DAB2IP: variants seen among roughly 807,000 people sequenced by gnomAD.
The protein encoded by DAB2IP is disabled homolog 2-interacting protein.
DAB2IP carries 28 observed loss-of-function variants against 107.2 expected under a neutral mutation model. The observed-to-expected ratio is 0.26, with a 90% CI of 0.19 to 0.36. The LOEUF (loss-of-function observed/expected upper bound fraction) is 0.36, where lower values mean the gene tolerates loss of function less well. Among genes scored for constraint, DAB2IP ranks in the 10% least tolerant of loss-of-function variants. The probability of loss-of-function intolerance (pLI) is 1.00; values close to 1 mark genes in which losing one functional copy is unlikely to be tolerated. For synonymous variants in DAB2IP, 755 were observed against 706.4 expected (o/e 1.07, Z -1.09); for missense variants, 1,400 against 1,644.7 (o/e 0.85, Z 2.57).
At chr9:121,578,843 C>T (rs1372886098) in intron 1 of DAB2IP, among the ~76,000 whole-genome samples, 3 of 142,270 alleles carry the variant, frequency 2.1e-5, no homozygotes, top group African/African-American at 8.0e-5. Context: ...CAGGTTCAAG[C>T]TATTCTCCTG....
intron 3 of DAB2IP, among the ~76,000 whole-genome samples, chr9:121,741,863 ATAT>A (rs1164274464): frequency 6.6e-6 from 1 of 151,028 alleles, no homozygotes; most frequent in Non-Finnish European, 1.5e-5. Flanking sequence ...GAGGTAAATA[ATAT>A]TATGTCCATT....
In DAB2IP at chr9:121,763,998, C is replaced by G. The variant is rs1174901979; in HGVS notation, c.1460+119C>G. 5.0e-6 allele frequency: 7 copies of G among 1,388,622 alleles called. No homozygotes were observed. In the Admixed American group the frequency reaches 1.5e-4, roughly 29 times the overall value. The allele number at this position is 1,388,622 out of a possible 1,614,324, so 86.0% of individuals were successfully genotyped here. A position where few individuals can be genotyped will look rare whatever the true frequency, so the allele number is the denominator to read the frequency against. On this transcript the variant is annotated intron_variant, in intron 8 of 15. Coordinates refer to ENST00000408936, the Ensembl canonical transcript of DAB2IP. ...CCTGAGTTGTACTGACTTGCCAGTC[C>G]CCTGGCCTAGTCCCTTTTGAGCTCT...
intron 1 of DAB2IP, among the ~76,000 whole-genome samples, chr9:121,666,395 C>T (rs892659515): frequency 2.0e-5 from 3 of 152,208 alleles, no homozygotes; most frequent in African/African-American, 7.2e-5. Flanking sequence ...CATTATTGTG[C>T]GTAGCACAGG....
chr9:121,750,049 G>A (rs1832995511), intron 3 of DAB2IP, among the ~76,000 whole-genome samples: 1 of 152,146 alleles, frequency 6.6e-6, no homozygotes, highest in Admixed American at 6.5e-5. Context: ...GCAATGGATG[G>A]GAGTCACTGA....
rs1234087343 is a variant in DAB2IP, at chr9:121,698,230, C to T, written c.229-1095C>T. ...TGGGGTGGGTGAGCCCCCAGAACACCCCCCTCTTTAGAGGACTCCCCCTCC... is the reference window on the plus strand; with the variant it reads ...TGGGGTGGGTGAGCCCCCAGAACACTCCCCTCTTTAGAGGACTCCCCCTCC... On this transcript the variant is annotated intron_variant, in intron 2 of 15. Transcript: ENST00000408936. The surrounding 1 kb of genome is among the most constrained non-coding windows in gnomAD (Gnocchi z 4.1). 6.6e-6 allele frequency among the ~76,000 whole-genome samples: 1 copy of T among 152,130 alleles called. No individual in the cohort carries two copies. The highest frequency in any genetic ancestry group is 6.5e-5 in the Admixed American group (1 of 15,282).
In DAB2IP at chr9:121,763,654, G is replaced by T. The variant is rs752076103; in HGVS notation, c.1315+5G>T. On this transcript the variant is annotated splice_donor_5th_base_variant and intron_variant, in intron 7 of 15. Transcript: ENST00000408936. ...AGTACCTGCAGGACGCCCTAGGTAG[G>T]GAGTGGGCCAGCAGCAGGGCAGAGG... 1 of 1,612,828 alleles carries T rather than the reference G, an allele frequency of 6.2e-7. No individual in the cohort carries two copies. The highest frequency in any genetic ancestry group is 1.1e-5 in the South Asian group (1 of 90,950).
At position 121,631,905 on chromosome 9, in the gene DAB2IP, T is replaced by A. The variant is rs530662155; in HGVS notation, c.41-46773T>A. ...GGCTTTCAGCAGGGAGCAGGGCAGGTTTGGGTTTGAGGACAGACCCCCTGG... is the reference window on the plus strand; with the variant it reads ...GGCTTTCAGCAGGGAGCAGGGCAGGATTGGGTTTGAGGACAGACCCCCTGG... On this transcript the variant is annotated intron_variant, in intron 1 of 16. Transcript: ENST00000259371. Among the ~76,000 whole-genome samples the A allele has an allele frequency of 1.1e-3, 164 of 149,996 alleles. 2 individuals are homozygous for A. The highest frequency in any genetic ancestry group is 3.6e-3 in the African/African-American group (147 of 40,812).
intron 3 of DAB2IP, among the ~76,000 whole-genome samples, chr9:121,700,348 G>T (rs1432904791): frequency 2.0e-5 from 3 of 152,172 alleles, no homozygotes; most frequent in Non-Finnish European, 4.4e-5. Context: ...GCCTCTCAGG[G>T]CCCAGGTCCT....
At chr9:121,749,479 T>C (rs1009980642) in intron 3 of DAB2IP, among the ~76,000 whole-genome samples, 25 of 152,206 alleles carry the variant, frequency 1.6e-4, no homozygotes, top group African/African-American at 5.3e-4. Flanking sequence ...TGCCAGCCTT[T>C]GGGTGGGCAC....
chr9:121,680,743 C>CTT (rs78934765), intron 2 of DAB2IP, among the ~76,000 whole-genome samples: 10 of 143,834 alleles, frequency 7.0e-5, no homozygotes, highest in East Asian at 2.1e-4. Context: ...TTTTTTTTTT[C>CTT]TTTTTTTTTT....
intron 1 of DAB2IP, among the ~76,000 whole-genome samples, chr9:121,666,916 A>ACAC (rs1554721728): frequency 1.6e-4 from 18 of 110,366 alleles, no homozygotes; most frequent in African/African-American, 4.7e-4. Context: ...ACACACACAC[A>ACAC]ACACTCTTAA....
chr9:121,614,337 CTTTTTTTTTTT>C (rs35959966), intron 1 of DAB2IP, among the ~76,000 whole-genome samples: 5 of 102,772 alleles, frequency 4.9e-5, no homozygotes, highest in South Asian at 6.5e-4. Flanking sequence ...TCTTTCTTTT[CTTTTTTTTTTT>C]TTTTTTTTTT....
intron 13 of DAB2IP, among the ~76,000 whole-genome samples, chr9:121,774,796 G>A (rs1180298784): frequency 6.6e-6 from 1 of 152,092 alleles, no homozygotes; most frequent in African/African-American, 2.4e-5. Context: ...AGGGAACTTG[G>A]TACCTGAGGA....
chr9:121,595,051 G>A (rs1453239734), intron 1 of DAB2IP, among the ~76,000 whole-genome samples: 2 of 152,152 alleles, frequency 1.3e-5, no homozygotes, highest in African/African-American at 2.4e-5. Flanking sequence ...GGACTAGGGT[G>A]TGAAGGACCC....
chr9:121,567,748 A>G (rs1198866671), intron 1 of DAB2IP, among the ~76,000 whole-genome samples: 2 of 152,114 alleles, frequency 1.3e-5, no homozygotes, highest in African/African-American at 4.8e-5. Context: ...CTCTGCATGC[A>G]TTATTGGGGG....
At chr9:121,574,325 C>G (rs1439849085) in intron 1 of DAB2IP, among the ~76,000 whole-genome samples, 3 of 152,094 alleles carry the variant, frequency 2.0e-5, no homozygotes, top group Non-Finnish European at 4.4e-5. Flanking sequence ...ATTTCCCCAT[C>G]TGTGAAACTG....
chr9:121,651,717 G>T lies in DAB2IP; in HGVS notation c.-59G>T, dbSNP rs1046672553. ...GGGCGCCCGCCGGGCTGTCCGGAGC[G>T]GCCGATGGGGCCCGTGTGAGCGCGC... On this transcript the variant is annotated 5_prime_UTR_variant, in exon 1 of 16. Coordinates refer to ENST00000408936, the Ensembl canonical transcript of DAB2IP. This position sits in a 1 kb window ranked among gnomAD's most constrained non-coding sequence, Gnocchi z 5.1. 5 of 1,176,470 alleles carry T rather than the reference G, an allele frequency of 4.2e-6. No homozygotes were observed. The Admixed American group carries it at 1.8e-4, about 43-fold the overall frequency. 72.9% of individuals were successfully genotyped at this position (1,176,470 alleles called of 1,614,324 possible). A position where few individuals can be genotyped will look rare whatever the true frequency, so the allele number is the denominator to read the frequency against.
chr9:121,692,960 G>A (rs1407522594), intron 2 of DAB2IP, among the ~76,000 whole-genome samples: 2 of 152,160 alleles, frequency 1.3e-5, no homozygotes, highest in South Asian at 2.1e-4. Flanking sequence ...AGCTTGGGGC[G>A]GCCCAGGCAC....
chr9:121,607,949 C>G (rs76447155), intron 1 of DAB2IP, among the ~76,000 whole-genome samples: 1 of 152,322 alleles, frequency 6.6e-6, no homozygotes, highest in Admixed American at 6.5e-5. Flanking sequence ...GGAAGCAGGC[C>G]CTGGCCAGAG....
Sources: gnomAD v4.1 joint callset for allele counts (sites outside exome capture counted in the v4.1 genomes callset) on GRCh38, gnomAD v4.1.1 for gene constraint, Gnocchi (gnomAD v3.1) non-coding constraint, MANE v1.5 for transcripts, NCBI Gene and HGNC (gene_info 2026-07-23, HGNC 2026-07-21) for gene names.